Variants in FAM135B observed in about 807,000 individuals in gnomAD.
The protein encoded by FAM135B is protein FAM135B.
Under a neutral mutation model 127.7 loss-of-function variants are expected in FAM135B, and 43 were observed. The observed-to-expected ratio is 0.34, with a 90% CI of 0.26 to 0.43. The LOEUF is 0.43. Among genes scored for constraint, FAM135B ranks in the 20% least tolerant of loss-of-function variants. The pLI, the probability that FAM135B is intolerant of heterozygous loss-of-function variation, is 1.00. For missense variants in FAM135B, 1,558 were observed against 1,725.6 expected, an observed-to-expected ratio of 0.90 and a Z score of 1.72; for synonymous variants, 670 against 665.1, an observed-to-expected ratio of 1.01 and a Z score of -0.11.
At chr8:138,342,200 C>T (rs1223999017) in intron 2 of FAM135B, among the ~76,000 whole-genome samples, 1 of 152,170 alleles carries the variant, frequency 6.6e-6, no homozygotes, top group Non-Finnish European at 1.5e-5. Flanking sequence ...ATTAAACCAA[C>T]CCTTCAGCTA....
chr8:138,156,989 T>A (rs1439502035), intron 12 of FAM135B, among the ~76,000 whole-genome samples: 2 of 151,926 alleles, frequency 1.3e-5, no homozygotes, highest in Non-Finnish European at 2.9e-5. Flanking sequence ...CAGAGACACA[T>A]CGAAAAAAGA....
intron 9 of FAM135B, 120 bp downstream of exon 9, chr8:138,195,138 C>G (rs1816506702): frequency 1.1e-5 from 9 of 844,550 alleles, no homozygotes; most frequent in Middle Eastern, 2.3e-4. Context: ...AGCTTGGTAT[C>G]TAGAGTGAAG....
intron 7 of FAM135B, among the ~76,000 whole-genome samples, chr8:138,219,307 G>A (rs149859255): frequency 1.7e-3 from 255 of 152,224 alleles, no homozygotes; most frequent in Non-Finnish European, 3.2e-3. Flanking sequence ...ACACTGATGG[G>A]GAGAACAGGT....
At chr8:138,488,614 G>A (rs1408632369) in intron 1 of FAM135B, among the ~76,000 whole-genome samples, 1 of 152,120 alleles carries the variant, frequency 6.6e-6, no homozygotes, top group Non-Finnish European at 1.5e-5. Context: ...GCCAGAGGAA[G>A]CCAGATAGTG....
At chr8:138,382,412 T>C (rs552771994) in intron 1 of FAM135B, among the ~76,000 whole-genome samples, 1 of 152,194 alleles carries the variant, frequency 6.6e-6, no homozygotes, top group South Asian at 2.1e-4. Context: ...GGAAGGCCTC[T>C]CTTGAGGGTT....
intron 3 of FAM135B, among the ~76,000 whole-genome samples, chr8:138,297,810 G>A (rs1825580091): frequency 6.6e-6 from 1 of 152,222 alleles, no homozygotes; most frequent in Non-Finnish European, 1.5e-5. Context: ...TTTGATTAGA[G>A]GCAGAAGTGA....
At chr8:138,439,826 G>C (rs1471317453) in intron 1 of FAM135B, 5 of 152,202 alleles carry the variant, frequency 3.3e-5, no homozygotes, top group African/African-American at 1.2e-4. Context: ...AGGCAGACCT[G>C]AAATTTGGAA....
chr8:138,309,491 T>C (rs1247068055), intron 3 of FAM135B, among the ~76,000 whole-genome samples: 1 of 152,208 alleles, frequency 6.6e-6, no homozygotes, highest in African/African-American at 2.4e-5. Context: ...TGTCTTTCCT[T>C]TTGTAGATCA....
intron 1 of FAM135B, among the ~76,000 whole-genome samples, chr8:138,494,354 A>C (rs534618653): frequency 3.9e-5 from 6 of 152,262 alleles, no homozygotes; most frequent in South Asian, 2.1e-4. Flanking sequence ...CCACAACCAA[A>C]GTCAGATAGG....
At chr8:138,206,219 C>A (rs929498102) in intron 7 of FAM135B, among the ~76,000 whole-genome samples, 1 of 151,552 alleles carries the variant, frequency 6.6e-6, no homozygotes, top group African/African-American at 2.4e-5. Flanking sequence ...CTCTCATCCC[C>A]TCCACCTACA....
intron 1 of FAM135B, among the ~76,000 whole-genome samples, chr8:138,483,923 T>TG (rs1424996156): frequency 1.3e-5 from 2 of 152,104 alleles, no homozygotes; most frequent in Non-Finnish European, 2.9e-5. Context: ...GAATTTTGAA[T>TG]AAAAATATCT....
chr8:138,339,803 C>T (rs1018612122), intron 2 of FAM135B, among the ~76,000 whole-genome samples: 1 of 152,176 alleles, frequency 6.6e-6, no homozygotes, highest in African/African-American at 2.4e-5. Context: ...TCTGTTAGGC[C>T]ACCTGAGTGT....
intron 6 of FAM135B, among the ~76,000 whole-genome samples, chr8:138,248,589 G>C (rs1029817537): frequency 2.0e-5 from 3 of 152,080 alleles, no homozygotes; most frequent in African/African-American, 7.2e-5. Context: ...GGAGGCTGAG[G>C]TGTGTGGATT....
chr8:138,163,364 C>G (rs539372605), intron 12 of FAM135B, among the ~76,000 whole-genome samples: 1 of 152,100 alleles, frequency 6.6e-6, no homozygotes, highest in African/African-American at 2.4e-5. Context: ...GAGACAAAGA[C>G]AGATATTGCA....
chr8:138,340,029 G>A (rs1828933845), intron 2 of FAM135B, among the ~76,000 whole-genome samples: 1 of 152,130 alleles, frequency 6.6e-6, no homozygotes, highest in Non-Finnish European at 1.5e-5. Flanking sequence ...TCCCGGGATG[G>A]GTTGGGAGCT....
chr8:138,271,636 T>C (rs1823383669), intron 3 of FAM135B, among the ~76,000 whole-genome samples: 1 of 152,202 alleles, frequency 6.6e-6, no homozygotes, highest in East Asian at 1.9e-4. Context: ...TGTTTCATCT[T>C]TCCACACACG....
intron 13 of FAM135B, 94 bp from the exon 14 acceptor site, chr8:138,148,780 A>G (rs1817864602): frequency 3.4e-6 from 3 of 893,760 alleles, no homozygotes; most frequent in Non-Finnish European, 5.0e-6. Context: ...CTGAGCACCC[A>G]CAAGCAAAGT....
At chr8:138,172,397 T>A (rs758781717) in intron 11 of FAM135B, among the ~76,000 whole-genome samples, 1 of 152,220 alleles carries the variant, frequency 6.6e-6, no homozygotes, top group East Asian at 1.9e-4. Flanking sequence ...TACCTCCACC[T>A]GTAATGCACT....
chr8:138,162,862 C>G (rs1490365539), intron 12 of FAM135B, among the ~76,000 whole-genome samples: 1 of 152,074 alleles, frequency 6.6e-6, no homozygotes, highest in Non-Finnish European at 1.5e-5. Flanking sequence ...ACTTGAATGC[C>G]TTGTATAAAT....
Sources: allele counts gnomAD v4.1 joint callset (sites outside exome capture counted in the v4.1 genomes callset), GRCh38; gene constraint gnomAD v4.1.1; transcripts MANE v1.5; gene names NCBI Gene and HGNC (gene_info 2026-07-23, HGNC 2026-07-21).